The following HGSNAT variants were observed in gnomAD, a reference collection of about 807,000 sequenced individuals.
The protein encoded by HGSNAT is heparan-alpha-glucosaminide N-acetyltransferase, also known as transmembrane protein 76.
HGSNAT carries 59 observed loss-of-function variants against 85.2 expected under a neutral mutation model. That is an observed-to-expected ratio of 0.69 (90% confidence interval 0.56 to 0.86). The LOEUF is 0.86. HGSNAT is among the 40% of genes least tolerant of loss of function. The probability of loss-of-function intolerance (pLI) is 0.00; values close to 1 mark genes in which losing one functional copy is unlikely to be tolerated. For missense variants in HGSNAT, 756 were observed against 777.1 expected, an observed-to-expected ratio of 0.97 and a Z score of 0.32; for synonymous variants, 321 against 304.5, an observed-to-expected ratio of 1.05 and a Z score of -0.56.
intron 10 of HGSNAT, among the ~76,000 whole-genome samples, chr8:43,179,243 A>ACCC (rs879897827): frequency 7.8e-6 from 1 of 128,944 alleles, no homozygotes. Flanking sequence ...GCGGGGGCTG[A>ACCC]CCCCCCCACC....
rs369280586 is a variant in HGSNAT, at chr8:43,178,225, C to T, written c.1003C>T (p.Leu335Phe). Residue 335 changes from leucine to phenylalanine, a missense_variant, in exon 10 of 18, where the codon CTT (leucine) becomes TTT (phenylalanine). Leu to Phe is a conservative substitution (Grantham distance 22). Coordinates refer to ENST00000379644, the MANE Select transcript of HGSNAT (RefSeq NM_152419.3). ...TATCATTGTGAATCCCAATTATTGC[C>T]TTGGTCCATGTAAGTACTTTTTCCC... ...GIIIVNPNYC[L>F]GPLSWDKVRI... 16 of 1,541,294 alleles carry T rather than the reference C, an allele frequency of 1.0e-5. No homozygotes were observed. In the African/African-American group the frequency reaches 1.9e-4, roughly 19 times the overall value.
At chr8:43,172,457 C>T (rs1237775757) in intron 8 of HGSNAT, 71 bp downstream of exon 8, 3 of 1,097,402 alleles carry the variant, frequency 2.7e-6, no homozygotes, top group East Asian at 2.4e-5. Flanking sequence ...GAGAATCACT[C>T]AGCATTCTCC....
chr8:43,182,295 T>C (rs1804155552), intron 11 of HGSNAT, 35 bp downstream of exon 11: 2 of 1,511,702 alleles, frequency 1.3e-6, no homozygotes, highest in African/African-American at 1.4e-5. Context: ...AAAAACTTTT[T>C]TTAAATTAAA....
chr8:43,189,572 C>T (rs1310633253), intron 11 of HGSNAT, among the ~76,000 whole-genome samples: 1 of 152,206 alleles, frequency 6.6e-6, no homozygotes, highest in Non-Finnish European at 1.5e-5. Flanking sequence ...TATCCGACCT[C>T]TTGCACTTGG....
intron 14 of HGSNAT, chr8:43,196,445 G>C: frequency 7.8e-7 from 1 of 1,289,322 alleles, no homozygotes; most frequent in Non-Finnish European, 1.0e-6. Flanking sequence ...CCCAGACTGG[G>C]TCACCAAACA....
chr8:43,156,724 A>C (rs923990605), intron 2 of HGSNAT, among the ~76,000 whole-genome samples: 1 of 152,174 alleles, frequency 6.6e-6, no homozygotes, highest in Non-Finnish European at 1.5e-5. Flanking sequence ...TATAACTGTT[A>C]CATCTTCCTG....
intron 10 of HGSNAT, 97 bp from the exon 11 acceptor site, chr8:43,182,048 T>A: frequency 4.5e-6 from 4 of 885,400 alleles, no homozygotes; most frequent in Non-Finnish European, 7.7e-6. Context: ...TTAGATGCAA[T>A]ATAGGTATGT....
chr8:43,148,549 A>G (rs932481195), intron 2 of HGSNAT, among the ~76,000 whole-genome samples: 6 of 151,792 alleles, frequency 4.0e-5, no homozygotes, highest in African/African-American at 1.4e-4. Flanking sequence ...GCACTTTGGG[A>G]GGCCAAGGAG....
At chr8:43,187,989 G>A (rs140235277) in intron 11 of HGSNAT, among the ~76,000 whole-genome samples, 1 of 151,388 alleles carries the variant, frequency 6.6e-6, no homozygotes, top group Admixed American at 6.6e-5. Context: ...CTTGTGGCTT[G>A]TAGAGTTTCT....
At chr8:43,154,955 T>C (rs1803045579) in intron 2 of HGSNAT, among the ~76,000 whole-genome samples, 1 of 152,228 alleles carries the variant, frequency 6.6e-6, no homozygotes, top group African/African-American at 2.4e-5. Flanking sequence ...ATGATGAGCA[T>C]TTTTTCATGT....
chr8:43,151,941 G>T (rs568318541), intron 2 of HGSNAT, among the ~76,000 whole-genome samples: 4 of 152,160 alleles, frequency 2.6e-5, no homozygotes, highest in African/African-American at 4.8e-5. Context: ...AGGTGGCAAA[G>T]CTACAATTCA....
chr8:43,199,216 A>G (rs1804836281), intron 17 of HGSNAT, among the ~76,000 whole-genome samples, 172 bp from the exon 18 acceptor site: 1 of 152,144 alleles, frequency 6.6e-6, no homozygotes, highest in South Asian at 2.1e-4. Context: ...ATAATTTTTG[A>G]TATGGTTTAT....
rs1408418542 is a variant in HGSNAT at position 43,161,503 on chromosome 8, T to G, written c.559T>G (p.Leu187Val). 1.2e-6 allele frequency: 2 copies of G among 1,606,410 alleles called. No individual in the cohort carries two copies. Among genetic ancestry groups the G allele is most frequent in the Non-Finnish European group, 1.7e-6 (2 of 1,176,406 alleles). Residue 187 changes from leucine to valine, a missense_variant, in exon 5 of 18, where the codon TTG becomes GTG. Physicochemically the swap from Leu to Val is conservative, Grantham distance 32. Transcript: ENST00000379644. ...IIVISFLRLLLSLDDFNNWIS... is the reference protein window; with the variant it reads ...IIVISFLRLLVSLDDFNNWIS... ...TGTGATATCCTTTCTGAGGCTCTTG[T>G]TGAGGTAAGATATTTGGGGAGGACG...
intron 2 of HGSNAT, among the ~76,000 whole-genome samples, chr8:43,150,629 C>T (rs186901743): frequency 5.3e-5 from 8 of 152,132 alleles, no homozygotes; most frequent in South Asian, 2.1e-4. Context: ...GTCAGGAGAT[C>T]GAGACCATCC....
chr8:43,171,297 C>G (rs1178458660), intron 7 of HGSNAT, among the ~76,000 whole-genome samples: 3 of 152,202 alleles, frequency 2.0e-5, no homozygotes, highest in Non-Finnish European at 4.4e-5. Flanking sequence ...TTGCCCCAGT[C>G]TCACCAGAGC....
chr8:43,187,798 G>C (rs1309350456), intron 11 of HGSNAT, among the ~76,000 whole-genome samples: 1 of 152,170 alleles, frequency 6.6e-6, no homozygotes, highest in Non-Finnish European at 1.5e-5. Flanking sequence ...TCCTTTCCAT[G>C]TTTAGTGCTT....
intron 3 of HGSNAT, 30 bp downstream of exon 3, chr8:43,158,741 G>A (rs778279318): frequency 6.4e-7 from 1 of 1,561,136 alleles, no homozygotes; most frequent in South Asian, 1.2e-5. Context: ...TGATCTAAGT[G>A]AAGTCTGCAT....
At chr8:43,179,179 T>C (rs1485982204) in intron 10 of HGSNAT, among the ~76,000 whole-genome samples, 2 of 149,468 alleles carry the variant, frequency 1.3e-5, no homozygotes, top group East Asian at 4.0e-4. Context: ...CACTTCCCAG[T>C]AGGGGCGGCC....
chr8:43,159,121 A>G, intron 4 of HGSNAT, 77 bp downstream of exon 4: 2 of 1,494,062 alleles, frequency 1.3e-6, no homozygotes, highest in Non-Finnish European at 9.2e-7. Flanking sequence ...TTGTAAAGCA[A>G]AGCAGTCCAT....
Sources: gnomAD v4.1 joint callset for allele counts (sites outside exome capture counted in the v4.1 genomes callset) on GRCh38, gnomAD v4.1.1 for gene constraint, MANE v1.5 for transcripts, NCBI Gene and HGNC (gene_info 2026-07-23, HGNC 2026-07-21) for gene names.